The following DPEP2 variants were observed in gnomAD, a reference collection of about 807,000 sequenced individuals.
DPEP2 encodes the protein dipeptidase 2.
Under a neutral mutation model 51.8 loss-of-function variants are expected in DPEP2, and 45 were observed. That is an observed-to-expected ratio of 0.87 (90% CI 0.68 to 1.11). DPEP2 has a LOEUF of 1.11. DPEP2 is among the 50% of genes most tolerant of loss of function. The probability of loss-of-function intolerance (pLI) is 0.00; values close to 1 mark genes in which losing one functional copy is unlikely to be tolerated. For missense variants in DPEP2, 604 were observed against 631.9 expected, an observed-to-expected ratio of 0.96 and a Z score of 0.47; for synonymous variants, 255 against 262.7, an observed-to-expected ratio of 0.97 and a Z score of 0.28.
chr16:67,993,226 G>T lies in DPEP2; in HGVS notation c.-14C>A. On this transcript the variant is annotated 5_prime_UTR_variant, in exon 2 of 11. Coordinates refer to ENST00000393847, the MANE Select transcript of DPEP2 (RefSeq NM_022355.4). ...GGAGGGCTGCATGTTGTGCAGGGCC[G>T]GGCAGGCAGGCAGGGGTGGCAGTCA... is the stretch of plus-strand genomic sequence containing the variant. The T allele has an allele frequency of 1.4e-6, 2 of 1,427,288 alleles. No individual in the cohort carries two copies. Among genetic ancestry groups the T allele is most frequent in the East Asian group, 2.7e-5 (1 of 37,460 alleles). 88.4% of individuals were successfully genotyped at this position (1,427,288 alleles called of 1,614,324 possible). A position where few individuals can be genotyped will look rare whatever the true frequency, so the allele number is the denominator to read the frequency against.
At chr16:68,000,244 A>G (rs1343776267), upstream of DPEP2, among the ~76,000 whole-genome samples, 3 of 152,220 alleles carry the variant, frequency 2.0e-5, no homozygotes, top group Non-Finnish European at 4.4e-5. Flanking sequence ...CAGTGTTTGC[A>G]TAAATCAAGA....
upstream of DPEP2, chr16:68,000,564 C>G: frequency 1.1e-6 from 1 of 899,546 alleles, no homozygotes; most frequent in Non-Finnish European, 1.3e-6. Flanking sequence ...CTGATACAGA[C>G]AATTCCCAAG....
intron 1 of DPEP2, chr16:67,993,708 C>CACATGTGTCCCTGTGACCACAGTGCT: frequency 1.0e-6 from 1 of 986,590 alleles, no homozygotes; most frequent in Non-Finnish European, 1.2e-6. Flanking sequence ...CACCCAGGGC[C>CACATGTGTCCCTGTGACCACAGTGCT]ACATGTGTCC....
In DPEP2 at chr16:67,991,176, C is replaced by G; in HGVS notation, c.671G>C (p.Ser224Thr). The G allele has an allele frequency of 6.2e-7, 1 of 1,613,014 alleles. No homozygotes were observed. Among genetic ancestry groups the G allele is most frequent in the Non-Finnish European group, 8.5e-7 (1 of 1,180,028 alleles). The change falls in exon 6 of 11, where the codon AGC becomes ACC. Residue 224 changes from serine (S) to threonine (T), a missense_variant. Coordinates refer to ENST00000393847, the MANE Select transcript of DPEP2 (RefSeq NM_022355.4). The surrounding 1 kb of genome is among the most constrained non-coding windows in gnomAD (Gnocchi z 5.1). ...THTCNTPWAE[S>T]SAKGVHSFYN... is the part of the protein sequence containing the mutation. ...GAAGGAGTGGACGCCCTTAGCGGAG[C>G]TCTCTGCCCTGCAGGGTGGCCAGGA...
At chr16:67,996,202 A>AT (rs562548091) in intron 1 of DPEP2, among the ~76,000 whole-genome samples, 153 of 130,818 alleles carry the variant, frequency 1.2e-3, no homozygotes, top group Admixed American at 1.7e-3. Context: ...ACACTCGGCT[A>AT]TTTTTTTTTT....
rs1170229002 is a variant in DPEP2, at chr16:67,990,927, C to T, written c.803G>A (p.Arg268Gln). ...DLSHVSDAVA[R>Q]RALEVSQAPV... ...TGCCTGTGACACTTCCAGGGCCCGCCGTGCCACAGCATCTGAGACATGGGA... is the reference window on the plus strand; with the variant it reads ...TGCCTGTGACACTTCCAGGGCCCGCTGTGCCACAGCATCTGAGACATGGGA... The change falls in exon 7 of 11, where the codon CGG becomes CAG. Residue 268 changes from arginine (R) to glutamine (Q), a missense_variant. Physicochemically the swap from Arg to Gln is conservative, Grantham distance 43 (BLOSUM62 1). Coordinates refer to ENST00000393847, the MANE Select transcript of DPEP2 (RefSeq NM_022355.4). The T allele has an allele frequency of 1.4e-5, 22 of 1,614,106 alleles. No homozygotes were observed. The highest frequency in any genetic ancestry group is 1.5e-5 in the Non-Finnish European group (18 of 1,180,050).
intron 1 of DPEP2, among the ~76,000 whole-genome samples, chr16:67,995,106 C>A (rs960422044): frequency 6.6e-6 from 1 of 152,150 alleles, no homozygotes; most frequent in Non-Finnish European, 1.5e-5. Flanking sequence ...TGCCATGTTG[C>A]CCAGGCTGGT....
Position 67,993,154 on chromosome 16 carries a change from A to C in DPEP2, c.59T>G (p.Leu20Arg). Residue 20 changes from leucine (L) to arginine (R), a missense_variant, in exon 2 of 11, where the codon CTG becomes CGG. Coordinates refer to ENST00000393847, the MANE Select transcript of DPEP2 (RefSeq NM_022355.4). ...CTGGAGCAGCAGCAGCAGGAGCAGC[A>C]GACTCAGCAGAGGCCACCGACCAAA... is the stretch of plus-strand genomic sequence containing the variant. ...GTFGRWPLLS[L>R]LLLLLLLQPV... 2 of 1,528,316 alleles carry C rather than the reference A, an allele frequency of 1.3e-6. No homozygotes were observed. The highest frequency in any genetic ancestry group is 2.5e-5 in the South Asian group (2 of 81,002). The allele number at this position is 1,528,316 out of a possible 1,614,324, so 94.7% of individuals were successfully genotyped here. A position where few individuals can be genotyped will look rare whatever the true frequency, so the allele number is the denominator to read the frequency against.
chr16:67,992,710 C>A (rs1960111727), intron 2 of DPEP2, 74 bp from the exon 3 acceptor site: 1 of 1,566,796 alleles, frequency 6.4e-7, no homozygotes, highest in Non-Finnish European at 8.7e-7. Flanking sequence ...TCAGGAAGGA[C>A]ACATCTGGGG....
At chr16:67,988,907 GAGA>G (rs149160038) in intron 9 of DPEP2, among the ~76,000 whole-genome samples, 19 of 151,818 alleles carry the variant, frequency 1.3e-4, no homozygotes, top group Admixed American at 2.6e-4. Flanking sequence ...GCAAGACCCT[GAGA>G]AGAAGAAGAA....
At chr16:67,993,604 T>TG in intron 1 of DPEP2, 5 of 998,608 alleles carry the variant, frequency 5.0e-6, no homozygotes, top group Non-Finnish European at 6.0e-6. Flanking sequence ...AGAGAGGGCC[T>TG]GGGGTGCTTC....
chr16:67,990,407 T>G (rs1320256851), intron 7 of DPEP2, among the ~76,000 whole-genome samples: 1 of 152,162 alleles, frequency 6.6e-6, no homozygotes, highest in African/African-American at 2.4e-5. Flanking sequence ...CAAAAGATGT[T>G]CAGCCTGAAG....
At chr16:67,995,353 G>A (rs1026047135) in intron 1 of DPEP2, among the ~76,000 whole-genome samples, 13 of 152,132 alleles carry the variant, frequency 8.5e-5, no homozygotes, top group African/African-American at 1.9e-4. Context: ...AGCCCTGCTG[G>A]AGGGTTCTAT....
At chr16:67,993,285 G>C in intron 1 of DPEP2, 28 bp from the exon 2 acceptor site, 1 of 1,374,686 alleles carries the variant, frequency 7.3e-7, no homozygotes, top group Non-Finnish European at 9.4e-7. Context: ...GGGGCAGAGC[G>C]CGACGATGGA....
At position 67,991,412 on chromosome 16, in the gene DPEP2, C is replaced by T. The variant is rs1183579721; in HGVS notation, c.663-228G>A. Among the ~76,000 whole-genome samples, 1 of 151,074 alleles carries T rather than the reference C, an allele frequency of 6.6e-6. No individual in the cohort carries two copies. The highest frequency in any genetic ancestry group is 6.6e-5 in the Admixed American group (1 of 15,182). On this transcript the variant is annotated intron_variant, in intron 5 of 10. Transcript: ENST00000393847. This position sits in a 1 kb window ranked among gnomAD's most constrained non-coding sequence, Gnocchi z 5.1. Reference sequence around the variant, plus strand: ...GGCAATAGAGTCTCGCTCTGTCACCCAGGCAGGAGTGCAGTGGTGCTGTCG... The same window carrying T: ...GGCAATAGAGTCTCGCTCTGTCACCTAGGCAGGAGTGCAGTGGTGCTGTCG...
Position 67,993,021 on chromosome 16 carries a change from G to T in DPEP2, c.192C>A (p.Leu64=). The T allele has an allele frequency of 6.3e-7, 1 of 1,597,078 alleles. No homozygotes were observed. ...MPGTYAPSTT[L]SSPSTQGLQE... is the part of the protein sequence containing the mutation. The stretch of plus-strand genomic sequence containing the variant: ...GCAGGCCCTGGGTGCTGGGACTACT[G>T]AGTGTGGTCGAGGGAGCGTAGGTGC... The change falls in exon 2 of 11, where the codon CTC becomes CTA. Residue 64 remains leucine, a synonymous_variant. Coordinates refer to ENST00000393847, the MANE Select transcript of DPEP2 (RefSeq NM_022355.4).
chr16:67,999,584 C>A, upstream of DPEP2: 3 of 805,882 alleles, frequency 3.7e-6, no homozygotes, highest in Non-Finnish European at 4.5e-6. Flanking sequence ...ACTTCTGGGG[C>A]ATGAGTGTTC....
chr16:67,998,181 A>T (rs1293029734), intron 1 of DPEP2, among the ~76,000 whole-genome samples: 2 of 152,192 alleles, frequency 1.3e-5, no homozygotes, highest in Admixed American at 1.3e-4. Flanking sequence ...CCAAGGCCAG[A>T]GCCAGCTCCC....
At position 67,990,951 on chromosome 16, in the gene DPEP2, G is replaced by T. The variant is rs1248746992; in HGVS notation, c.779C>A (p.Ser260Tyr). The T allele has an allele frequency of 6.2e-7, 1 of 1,614,220 alleles. No individual in the cohort carries two copies. The highest frequency in any genetic ancestry group is 8.5e-7 in the Non-Finnish European group (1 of 1,180,050). The part of the protein sequence containing the change: ...MNRLGMMVDL[S>Y]HVSDAVARRA... Reference sequence around the variant, plus strand: ...CCGTGCCACAGCATCTGAGACATGGGATAAGTCTACCATCATGCCCAGGCG... The same window carrying T: ...CCGTGCCACAGCATCTGAGACATGGTATAAGTCTACCATCATGCCCAGGCG... Residue 260 changes from serine to tyrosine, a missense_variant, in exon 7 of 11, where the codon TCC becomes TAC. Physicochemically the swap from Ser to Tyr is moderately radical, Grantham distance 144. Coordinates refer to ENST00000393847, the MANE Select transcript of DPEP2 (RefSeq NM_022355.4).
Sources: allele counts gnomAD v4.1 joint callset (sites outside exome capture counted in the v4.1 genomes callset), GRCh38; gene constraint gnomAD v4.1.1; non-coding constraint Gnocchi (gnomAD v3.1); transcripts MANE v1.5; gene names NCBI Gene and HGNC (gene_info 2026-07-23, HGNC 2026-07-21).